The following TMOD2 variants were observed in gnomAD, a reference collection of about 807,000 sequenced individuals.
TMOD2 encodes tropomodulin-2.
TMOD2 carries 22 observed loss-of-function variants against 39.9 expected under a neutral mutation model. That is an observed-to-expected ratio of 0.55 (90% CI 0.39 to 0.79). The LOEUF (loss-of-function observed/expected upper bound fraction) is 0.79. Among genes scored for constraint, TMOD2 ranks in the 30% least tolerant of loss-of-function variants. The probability of loss-of-function intolerance (pLI) is 0.00; values close to 1 mark genes in which losing one functional copy is unlikely to be tolerated. For missense variants in TMOD2, 386 were observed against 413.3 expected (o/e 0.93, Z 0.57); for synonymous variants, 123 against 146.1 (o/e 0.84, Z 1.14).
chr15:51,798,076 A>G (rs1049127031), intron 7 of TMOD2, 121 bp from the exon 8 acceptor site: 2 of 802,194 alleles, frequency 2.5e-6, no homozygotes. Context: ...GTATGATTTG[A>G]TGAAGGTTTT....
intron 8 of TMOD2, 97 bp from the exon 9 acceptor site, chr15:51,806,280 T>G: frequency 1.4e-6 from 2 of 1,441,756 alleles, no homozygotes; most frequent in South Asian, 1.3e-5. Context: ...CCTCTTTGCC[T>G]TTTTGTCCAG....
At chr15:51,766,623 G>A in intron 2 of TMOD2, 56 bp downstream of exon 2, 14 of 1,560,698 alleles carry the variant, frequency 9.0e-6, no homozygotes, top group Non-Finnish European at 1.2e-5. Flanking sequence ...TAAATGGCAT[G>A]GCTTGGTCCT....
chr15:51,777,341 G>T (rs1320090278), intron 5 of TMOD2, among the ~76,000 whole-genome samples: 2 of 152,130 alleles, frequency 1.3e-5, no homozygotes, highest in Non-Finnish European at 2.9e-5. Flanking sequence ...AAGACTGCTT[G>T]GTCATCACAA....
chr15:51,794,859 T>G (rs909195551), intron 7 of TMOD2, among the ~76,000 whole-genome samples: 1 of 152,240 alleles, frequency 6.6e-6, no homozygotes, highest in Non-Finnish European at 1.5e-5. Context: ...AGATATTCCA[T>G]TATTTTCACA....
chr15:51,754,750 G>A (rs2055730790), intron 1 of TMOD2, among the ~76,000 whole-genome samples: 1 of 152,156 alleles, frequency 6.6e-6, no homozygotes, highest in South Asian at 2.1e-4. Context: ...GTTTATTCTT[G>A]ACTTTTCAGA....
chr15:51,798,409 G>C (rs1042701519), intron 8 of TMOD2, 69 bp downstream of exon 8: 1 of 1,551,968 alleles, frequency 6.4e-7, no homozygotes, highest in Admixed American at 2.0e-5. Flanking sequence ...AATGCCACAA[G>C]GAATGAGTTA....
chr15:51,805,307 C>A (rs931734443), intron 8 of TMOD2, among the ~76,000 whole-genome samples: 1 of 151,486 alleles, frequency 6.6e-6, no homozygotes, highest in African/African-American at 2.4e-5. Flanking sequence ...TTTATTTTTT[C>A]ATTAGTTTAT....
chr15:51,764,559 T>G (rs2055803502), intron 1 of TMOD2, among the ~76,000 whole-genome samples: 1 of 152,156 alleles, frequency 6.6e-6, no homozygotes. Context: ...ATCACTCCCC[T>G]ACTTTAAGAA....
chr15:51,754,197 C>T (rs982320060), intron 1 of TMOD2, among the ~76,000 whole-genome samples: 9 of 152,156 alleles, frequency 5.9e-5, no homozygotes, highest in Non-Finnish European at 1.2e-4. Context: ...ACCCAAGAAC[C>T]ATCCCGAAAG....
intron 9 of TMOD2, among the ~76,000 whole-genome samples, chr15:51,807,413 C>G (rs929516813): frequency 7.9e-5 from 12 of 152,088 alleles, no homozygotes; most frequent in Admixed American, 6.6e-5. Flanking sequence ...TTGCCAAGAC[C>G]CTGAGGCGTA....
In TMOD2 at chr15:51,815,446, T is replaced by C. The variant is rs963137412; in HGVS notation, c.*6992T>C. On this transcript the variant is annotated 3_prime_UTR_variant, in exon 10 of 10. Coordinates refer to ENST00000249700, the MANE Select transcript of TMOD2 (RefSeq NM_014548.4). ...GTATTGACTGGGAAAAAGAGAGAAG[T>C]CAATCAAAAGTATACTGTGCAATTG... The C allele has an allele frequency of 1.3e-5, 2 of 152,004 alleles. No individual in the cohort carries two copies. Among genetic ancestry groups the C allele is most frequent in the African/African-American group, 4.8e-5 (2 of 41,372 alleles). 9.4% of individuals were successfully genotyped at this position (152,004 alleles called of 1,614,324 possible). A position where few individuals can be genotyped will look rare whatever the true frequency, so the allele number is the denominator to read the frequency against.
rs534401656 is a variant in TMOD2 at position 51,812,103 on chromosome 15, C to G, written c.*3649C>G. On this transcript the variant is annotated 3_prime_UTR_variant, in exon 10 of 10. Coordinates refer to ENST00000249700, the MANE Select transcript of TMOD2 (RefSeq NM_014548.4). ...TTGACTGGAGGGAGATGCTGTCTCC[C>G]AGCCCTGCTTCCCTCGTCCCTGTCC... The G allele has an allele frequency of 6.6e-6, 1 of 152,218 alleles. No individual in the cohort carries two copies. The highest frequency in any genetic ancestry group is 1.9e-4 in the East Asian group (1 of 5,184). 9.4% of individuals were successfully genotyped at this position (152,218 alleles called of 1,614,324 possible).
At chr15:51,804,887 G>A (rs1255312855) in intron 8 of TMOD2, among the ~76,000 whole-genome samples, 6 of 151,660 alleles carry the variant, frequency 4.0e-5, no homozygotes, top group Non-Finnish European at 8.8e-5. Context: ...TTTTTAAAAT[G>A]TGATGACTGT....
At chr15:51,771,194 A>C (rs1290813462) in intron 3 of TMOD2, among the ~76,000 whole-genome samples, 1 of 152,212 alleles carries the variant, frequency 6.6e-6, no homozygotes, top group Non-Finnish European at 1.5e-5. Flanking sequence ...GCACAACTGA[A>C]TAAAGTGAGC....
chr15:51,786,435 GAT>G (rs2055970606), intron 7 of TMOD2, among the ~76,000 whole-genome samples: 1 of 152,112 alleles, frequency 6.6e-6, no homozygotes, highest in African/African-American at 2.4e-5. Flanking sequence ...TTATTATTCT[GAT>G]ATATTTTTAG....
At chr15:51,755,832 A>G (rs2141610369) in intron 1 of TMOD2, among the ~76,000 whole-genome samples, 2 of 152,034 alleles carry the variant, frequency 1.3e-5, no homozygotes, top group African/African-American at 4.8e-5. Flanking sequence ...AATGCCAAAG[A>G]AAGAGACAAG....
intron 1 of TMOD2, chr15:51,752,691 C>T (rs2141608353): frequency 6.6e-6 from 1 of 152,350 alleles, no homozygotes; most frequent in East Asian, 1.9e-4. Context: ...ATTCTCCCCT[C>T]TCAGGGAACT....
intron 3 of TMOD2, among the ~76,000 whole-genome samples, chr15:51,769,139 G>A (rs1195434853): frequency 1.3e-5 from 2 of 152,236 alleles, no homozygotes; most frequent in Admixed American, 6.5e-5. Context: ...AAATATGTAG[G>A]CTAACTGCTT....
rs984692016 is a variant in TMOD2, at chr15:51,806,251, T to A, written c.877-126T>A. The A allele has an allele frequency of 2.8e-5, 29 of 1,044,700 alleles. 1 individual carries two copies. In the South Asian group the frequency reaches 3.2e-4, roughly 11 times the overall value. The allele number at this position is 1,044,700 out of a possible 1,614,324, so 64.7% of individuals were successfully genotyped here. ...AAAACTTCTCAAGTGACGCTGTCCCTTTCAGTTTGAGACCTTTGCCTCTTT... is the reference window on the plus strand; with the variant it reads ...AAAACTTCTCAAGTGACGCTGTCCCATTCAGTTTGAGACCTTTGCCTCTTT... On this transcript the variant is annotated intron_variant, in intron 8 of 9. Coordinates refer to ENST00000249700, the MANE Select transcript of TMOD2 (RefSeq NM_014548.4).
Sources: allele counts gnomAD v4.1 joint callset (sites outside exome capture counted in the v4.1 genomes callset), GRCh38; gene constraint gnomAD v4.1.1; transcripts MANE v1.5; gene names NCBI Gene and HGNC (gene_info 2026-07-23, HGNC 2026-07-21).